MDN1: variants seen among roughly 807,000 people sequenced by gnomAD.
MDN1 encodes midasin AAA ATPase 1.
Under a neutral mutation model 669.2 loss-of-function variants are expected in MDN1, and 266 were observed. That is an observed-to-expected ratio of 0.40 (90% CI 0.36 to 0.44). The LOEUF (loss-of-function observed/expected upper bound fraction) is 0.44. MDN1 is among the 20% of genes least tolerant of loss of function. The pLI, the probability that MDN1 is intolerant of heterozygous loss-of-function variation, is 1.00. For synonymous variants in MDN1, 2,385 were observed against 2,457.1 expected (o/e 0.97, Z 0.87); for missense variants, 5,940 against 6,754.0 (o/e 0.88, Z 4.22).
chr6:89,794,647 C>G lies in MDN1; in HGVS notation c.484G>C (p.Val162Leu), dbSNP rs1290400476. Reference protein sequence around the residue: ...AFKFLQQEQSVFRELWDWSVC... With the variant: ...AFKFLQQEQSLFRELWDWSVC... ...CTCCAGTCCCAGAGCTCCCGGAACA[C>G]AGACTGCTCCTGCTGCAGAAACTTG... is the stretch of plus-strand genomic sequence containing the variant. The change falls in exon 3 of 102, where the codon GTG becomes CTG. Residue 162 changes from valine (V) to leucine (L), a missense_variant. Physicochemically the swap from Val to Leu is conservative, Grantham distance 32. Coordinates refer to ENST00000369393, the MANE Select transcript of MDN1 (RefSeq NM_014611.3). 6.2e-7 allele frequency: 1 copy of G among 1,614,096 alleles called. No homozygotes were observed.
chr6:89,708,870 T>C (rs1813694717), intron 50 of MDN1, among the ~76,000 whole-genome samples: 1 of 151,692 alleles, frequency 6.6e-6, no homozygotes, highest in Non-Finnish European at 1.5e-5. Context: ...TTCATCCCAA[T>C]GCAGGATATA....
At chr6:89,737,670 T>C (rs1396322328) in intron 33 of MDN1, among the ~76,000 whole-genome samples, 1 of 151,936 alleles carries the variant, frequency 6.6e-6, no homozygotes, top group Non-Finnish European at 1.5e-5. Context: ...TTAATTAATT[T>C]TGAGATGGAG....
At position 89,815,206 on chromosome 6, in the gene MDN1, G is replaced by A. The variant is rs894879109; in HGVS notation, c.102+4300C>T. ...GCCTACCCTCTACGGCAGTGGAGGC[G>A]GGAGACTGCCTTCCAGAGCCCCTAC... On this transcript the variant is annotated intron_variant, in intron 1 of 101. Coordinates refer to ENST00000369393, the MANE Select transcript of MDN1 (RefSeq NM_014611.3). The A allele has an allele frequency of 3.4e-5, 13 of 385,108 alleles. No individual in the cohort carries two copies. The East Asian group carries it at 6.4e-4, about 19-fold the overall frequency. The allele number at this position is 385,108 out of a possible 1,614,324, so 23.9% of individuals were successfully genotyped here. A position where few individuals can be genotyped will look rare whatever the true frequency, so the allele number is the denominator to read the frequency against.
rs60891640 is a variant in MDN1 at position 89,818,320 on chromosome 6, C to CAAAA, written c.102+1182_102+1185dup. Among the ~76,000 whole-genome samples, 41 of 67,814 alleles carry CAAAA rather than the reference C, an allele frequency of 6.0e-4. 1 individual carries two copies. The highest frequency in any genetic ancestry group is 2.8e-3 in the African/African-American group (41 of 14,786). 44.5% of individuals were successfully genotyped at this position (67,814 alleles called of 152,430 possible). On this transcript the variant is annotated intron_variant, in intron 1 of 101. Coordinates refer to ENST00000369393, the MANE Select transcript of MDN1 (RefSeq NM_014611.3). Reference sequence around the variant, plus strand: ...TGGACGACAGAGCGTGCCTCCGTCTCAAAAAAAAAAAAAAAAAAAAAAAAA... The same window carrying CAAAA: ...TGGACGACAGAGCGTGCCTCCGTCTCAAAAAAAAAAAAAAAAAAAAAAAAAAAAA...
intron 85 of MDN1, 138 bp from the exon 86 acceptor site, chr6:89,663,105 G>T: frequency 1.1e-6 from 1 of 870,838 alleles, no homozygotes; most frequent in Non-Finnish European, 1.8e-6. Flanking sequence ...ACACCCTACG[G>T]GCAGATGCCT....
chr6:89,717,637 G>A (rs140089587), intron 43 of MDN1, among the ~76,000 whole-genome samples: 1 of 152,292 alleles, frequency 6.6e-6, no homozygotes, highest in East Asian at 1.9e-4. Flanking sequence ...TAGAGTGAAT[G>A]AGTAAAGGAT....
At chr6:89,658,407 T>TG in intron 89 of MDN1, 37 bp from the exon 90 acceptor site, 1 of 1,612,910 alleles carries the variant, frequency 6.2e-7, no homozygotes. Flanking sequence ...TTAAATGCTC[T>TG]GGGGGAACAG....
chr6:89,724,356 C>T (rs756385415), intron 38 of MDN1, among the ~76,000 whole-genome samples: 15 of 151,976 alleles, frequency 9.9e-5, no homozygotes, highest in Non-Finnish European at 1.9e-4. Flanking sequence ...GATCTCAGCT[C>T]ACTGCAACCT....
rs181150464 is a variant in MDN1, at chr6:89,743,123, C to A, written c.4448+27G>T. ...AAATCACACCAACAAAAATATCAAACACAAGGCAAACCTCTCAGGCACGTA... is the reference window on the plus strand; with the variant it reads ...AAATCACACCAACAAAAATATCAAAAACAAGGCAAACCTCTCAGGCACGTA... On this transcript the variant is annotated intron_variant, in intron 31 of 101. Coordinates refer to ENST00000369393, the MANE Select transcript of MDN1 (RefSeq NM_014611.3). The A allele has an allele frequency of 1.7e-4, 267 of 1,603,322 alleles. 2 individuals are homozygous for A. In the Admixed American group the frequency reaches 4.5e-3, roughly 27 times the overall value.
Position 89,707,388 on chromosome 6 carries a change from A to G in MDN1, c.7987T>C (p.Leu2663=), listed in dbSNP as rs1161767243. The part of the protein sequence containing the change: ...VGSKKLRESV[L]RMSFEFHQDP... ...TGATGGAATTCAAAGGACATTCTCAAAACACTCTCTCTTAGCTTTTTGCTA... is the reference window on the plus strand; with the variant it reads ...TGATGGAATTCAAAGGACATTCTCAGAACACTCTCTCTTAGCTTTTTGCTA... The change falls in exon 52 of 102, where the codon TTG becomes CTG. Residue 2663 remains leucine, a synonymous_variant. Coordinates refer to ENST00000369393, the MANE Select transcript of MDN1 (RefSeq NM_014611.3). The G allele has an allele frequency of 6.2e-7, 1 of 1,613,356 alleles. No individual in the cohort carries two copies. Among genetic ancestry groups the G allele is most frequent in the Non-Finnish European group, 8.5e-7 (1 of 1,179,380 alleles).
At chr6:89,670,170 A>ATATATATATATATATATATTTT (rs1444537561) in intron 83 of MDN1, among the ~76,000 whole-genome samples, 1 of 23,412 alleles carries the variant, frequency 4.3e-5, no homozygotes. Context: ...ATATATATAT[A>ATATATATATATATATATATTTT]TTTTTTTTTT....
At chr6:89,775,019 A>G (rs547653999) in intron 12 of MDN1, among the ~76,000 whole-genome samples, 1 of 152,338 alleles carries the variant, frequency 6.6e-6, no homozygotes, top group South Asian at 2.1e-4. Context: ...GTGAACAGTA[A>G]GTCCTCACCT....
chr6:89,658,081 TCAA>T, intron 90 of MDN1, 125 bp downstream of exon 90: 1 of 1,134,766 alleles, frequency 8.8e-7, no homozygotes, highest in Non-Finnish European at 1.3e-6. Context: ...CTGTTAGATG[TCAA>T]CAACAAAACA....
In MDN1 at chr6:89,703,892, A is replaced by G. The variant is rs540146489; in HGVS notation, c.8149-1831T>C. On this transcript the variant is annotated intron_variant, in intron 53 of 101. Transcript: ENST00000369393. ...GCTGAGCGTGGTGGCACGCGCCTGT[A>G]ATCCCAGCTACTTGGGAGGCTGAAG... Among the ~76,000 whole-genome samples, 221 of 151,962 alleles carry G rather than the reference A, an allele frequency of 1.5e-3. 2 individuals are homozygous for G. Among genetic ancestry groups the G allele is most frequent in the Non-Finnish European group, 2.4e-3 (162 of 67,964 alleles).
At position 89,727,931 on chromosome 6, in the gene MDN1, C is replaced by A; in HGVS notation, c.5374G>T (p.Asp1792Tyr). 6.2e-7 allele frequency: 1 copy of A among 1,613,880 alleles called. No individual in the cohort carries two copies. Among genetic ancestry groups the A allele is most frequent in the Non-Finnish European group, 8.5e-7 (1 of 1,179,868 alleles). ...QTDITDLFGA[D>Y]LPVEGGKGGE... Reference sequence around the variant, plus strand: ...CCCTTGCCACCTTCAACAGGTAGATCTGCTCCAAACAGGTCTGTGATGTCC... The same window carrying A: ...CCCTTGCCACCTTCAACAGGTAGATATGCTCCAAACAGGTCTGTGATGTCC... The change falls in exon 37 of 102, where the codon GAT becomes TAT. Residue 1792 changes from aspartate to tyrosine, a missense_variant. Transcript: ENST00000369393.
At chr6:89,717,675 G>A (rs564118387) in intron 43 of MDN1, among the ~76,000 whole-genome samples, 5 of 152,316 alleles carry the variant, frequency 3.3e-5, no homozygotes, top group African/African-American at 1.2e-4. Context: ...GGCTTAAAGT[G>A]AGAAATGACA....
intron 15 of MDN1, 105 bp downstream of exon 15, chr6:89,771,456 G>A: frequency 1.0e-6 from 1 of 955,752 alleles, no homozygotes; most frequent in South Asian, 1.5e-5. Flanking sequence ...TTTTTCTATT[G>A]CATCGAGCAT....
intron 20 of MDN1, 144 bp downstream of exon 20, chr6:89,756,133 T>A (rs913581032): frequency 2.1e-6 from 1 of 479,094 alleles, no homozygotes; most frequent in Non-Finnish European, 3.7e-6. Context: ...AGGTTCCAAC[T>A]TTACAAGAGA....
In MDN1 at chr6:89,719,140, A is replaced by G; in HGVS notation, c.6053T>C (p.Val2018Ala). 1 of 1,613,310 alleles carries G rather than the reference A, an allele frequency of 6.2e-7. No individual in the cohort carries two copies. Among genetic ancestry groups the G allele is most frequent in the Non-Finnish European group, 8.5e-7 (1 of 1,179,190 alleles). Residue 2018 changes from valine to alanine, a missense_variant, in exon 41 of 102, where the codon GTT (valine) becomes GCT (alanine). Transcript: ENST00000369393. ...GGATTATCCTAGTCTCCTTACCTGA[A>G]CATCATAGGGAGTGATACGAAATAG... ...TRLFRITPYD[V>A]QLGYSVLSRG... is the part of the protein sequence containing the mutation.
Sources: gnomAD v4.1 joint callset for allele counts (sites outside exome capture counted in the v4.1 genomes callset) on GRCh38, gnomAD v4.1.1 for gene constraint, MANE v1.5 for transcripts, NCBI Gene and HGNC (gene_info 2026-07-23, HGNC 2026-07-21) for gene names.